MCF2L: variants seen among roughly 807,000 people sequenced by gnomAD.
MCF2L encodes MCF.2 cell line derived transforming sequence like.
A neutral mutation model predicts 153.4 loss-of-function variants in MCF2L; 97 were observed. That is an observed-to-expected ratio of 0.63 (90% CI 0.54 to 0.75). MCF2L has a LOEUF of 0.75. MCF2L is among the 30% of genes least tolerant of loss of function. MCF2L has a pLI of 0.00. For synonymous variants in MCF2L, 659 were observed against 632.2 expected (o/e 1.04, Z -0.64); for missense variants, 1,347 against 1,495.2 (o/e 0.90, Z 1.64).
intron 2 of MCF2L, among the ~76,000 whole-genome samples, chr13:112,918,324 G>A (rs1027968990): frequency 5.3e-5 from 8 of 152,310 alleles, no homozygotes; most frequent in South Asian, 2.1e-4. Context: ...TCACGAGAAC[G>A]TCATTTTGGG....
At chr13:112,990,097 C>T (rs1008182331) in intron 1 of MCF2L, among the ~76,000 whole-genome samples, 10 of 152,240 alleles carry the variant, frequency 6.6e-5, no homozygotes, top group Admixed American at 1.3e-4. Flanking sequence ...ACTCACCTGC[C>T]GCTCACTTCC....
At chr13:112,915,341 G>A (rs572169702) in intron 2 of MCF2L, among the ~76,000 whole-genome samples, 36 of 142,928 alleles carry the variant, frequency 2.5e-4, no homozygotes, top group Admixed American at 6.6e-4. Context: ...CCCGGGAAGC[G>A]GAGGTTGCAG....
intron 2 of MCF2L, among the ~76,000 whole-genome samples, chr13:112,923,715 C>G (rs536509996): frequency 1.2e-4 from 19 of 152,310 alleles, no homozygotes; most frequent in African/African-American, 4.3e-4. Flanking sequence ...ACACTCTTCT[C>G]TAATCACTGC....
In MCF2L at chr13:113,069,997, G is replaced by A. The variant is rs1447153071; in HGVS notation, c.882-62G>A. 11 of 1,187,016 alleles carry A rather than the reference G, an allele frequency of 9.3e-6. No homozygotes were observed. In the East Asian group the frequency reaches 1.2e-4, roughly 13 times the overall value. The allele number at this position is 1,187,016 out of a possible 1,614,324, so 73.5% of individuals were successfully genotyped here. A position where few individuals can be genotyped will look rare whatever the true frequency, so the allele number is the denominator to read the frequency against. ...CCTTGGGGTCGCTTGAACACCCACCGCGCTCCACGTTGCATGGGGCGCCGT... is the reference window on the plus strand; with the variant it reads ...CCTTGGGGTCGCTTGAACACCCACCACGCTCCACGTTGCATGGGGCGCCGT... On this transcript the variant is annotated intron_variant, in intron 8 of 29. Coordinates refer to ENST00000535094, the MANE Select transcript of MCF2L (RefSeq NM_001112732.3).
intron 2 of MCF2L, among the ~76,000 whole-genome samples, chr13:113,018,971 G>A (rs2084709178): frequency 6.6e-6 from 1 of 152,234 alleles, no homozygotes; most frequent in Non-Finnish European, 1.5e-5. Context: ...CCCATGTCCA[G>A]GCAGCCTCAG....
chr13:112,959,259 C>G (rs1395661379), intron 2 of MCF2L, among the ~76,000 whole-genome samples: 2 of 152,122 alleles, frequency 1.3e-5, no homozygotes, highest in African/African-American at 4.8e-5. Context: ...TCACCACCCC[C>G]CGTCCTCCGG....
intron 1 of MCF2L, among the ~76,000 whole-genome samples, chr13:112,897,572 C>T (rs2081080069): frequency 6.6e-6 from 1 of 152,218 alleles, no homozygotes; most frequent in African/African-American, 2.4e-5. Context: ...GCCATGCAGC[C>T]CCACCTGTTG....
In MCF2L at chr13:113,046,306, C is replaced by T. The variant is rs1325861449; in HGVS notation, c.369+945C>T. On this transcript the variant is annotated intron_variant, in intron 4 of 29. Coordinates refer to ENST00000535094, the MANE Select transcript of MCF2L (RefSeq NM_001112732.3). The surrounding 1 kb of genome is among the most constrained non-coding windows in gnomAD (Gnocchi z 4.4). ...AGGTGACCCAGAGCCTGGGTCCAGG[C>T]ACCTGCATGTTCTCACGCCCGCCAC... The T allele has an allele frequency of 3.4e-6, 1 of 292,976 alleles. No individual in the cohort carries two copies. Among genetic ancestry groups the T allele is most frequent in the African/African-American group, 2.2e-5 (1 of 44,508 alleles). 18.1% of individuals were successfully genotyped at this position (292,976 alleles called of 1,614,324 possible). A position where few individuals can be genotyped will look rare whatever the true frequency, so the allele number is the denominator to read the frequency against.
chr13:113,069,711 C>G (rs950096271), intron 8 of MCF2L, among the ~76,000 whole-genome samples: 1 of 152,222 alleles, frequency 6.6e-6, no homozygotes, highest in African/African-American at 2.4e-5. Context: ...GGTGATGGAA[C>G]CAGACCCTAT....
At chr13:112,979,065 C>CG (rs1728030869) in intron 1 of MCF2L, among the ~76,000 whole-genome samples, 1 of 152,222 alleles carries the variant, frequency 6.6e-6, no homozygotes, top group African/African-American at 2.4e-5. Flanking sequence ...AAAGCATCTC[C>CG]GGCCACGCAA....
At chr13:112,914,266 T>C (rs1049444123) in intron 2 of MCF2L, among the ~76,000 whole-genome samples, 2 of 152,220 alleles carry the variant, frequency 1.3e-5, no homozygotes, top group African/African-American at 4.8e-5. Context: ...ACTTTCCTCC[T>C]TTTTTGTACA....
chr13:113,092,878 A>G (rs1419174309), intron 26 of MCF2L, among the ~76,000 whole-genome samples: 3 of 151,870 alleles, frequency 2.0e-5, no homozygotes, highest in African/African-American at 7.3e-5. Context: ...CAGCTCAAGA[A>G]TCCTTTTGTG....
chr13:113,060,176 G>A (rs533132634), intron 4 of MCF2L, among the ~76,000 whole-genome samples: 2 of 152,168 alleles, frequency 1.3e-5, no homozygotes, highest in Non-Finnish European at 2.9e-5. Context: ...AGCTCTCCAC[G>A]CGGTGCTGGG....
At chr13:112,900,912 C>A (rs2081113770) in intron 1 of MCF2L, among the ~76,000 whole-genome samples, 2 of 61,850 alleles carry the variant, frequency 3.2e-5, no homozygotes. Context: ...CAGGTCTGAC[C>A]TGAGGGATGG....
At chr13:113,022,534 C>T (rs777623831) in intron 2 of MCF2L, among the ~76,000 whole-genome samples, 1 of 152,218 alleles carries the variant, frequency 6.6e-6, no homozygotes, top group African/African-American at 2.4e-5. Flanking sequence ...AAGCTTCTGG[C>T]CCCTGAACGT....
At position 112,960,763 on chromosome 13, in the gene MCF2L, C is replaced by A. The variant is rs1452423521; in HGVS notation, c.170-54000C>A. On this transcript the variant is annotated intron_variant, in intron 2 of 29. Coordinates refer to the MCF2L transcript ENST00000375608. This position sits in a 1 kb window ranked among gnomAD's most constrained non-coding sequence, Gnocchi z 4.2. Reference sequence around the variant, plus strand: ...CCTGTCCAGCCCCAGGTGCTGCCTGCATTCCTGGGCTCATGGCCGCACCAC... The same window carrying A: ...CCTGTCCAGCCCCAGGTGCTGCCTGAATTCCTGGGCTCATGGCCGCACCAC... Among the ~76,000 whole-genome samples, 2 of 152,184 alleles carry A rather than the reference C, an allele frequency of 1.3e-5. No homozygotes were observed. Among genetic ancestry groups the A allele is most frequent in the Non-Finnish European group, 1.5e-5 (1 of 68,024 alleles).
intron 21 of MCF2L, among the ~76,000 whole-genome samples, chr13:113,087,004 G>A (rs1249883338): frequency 6.6e-6 from 1 of 152,144 alleles, no homozygotes; most frequent in East Asian, 1.9e-4. Flanking sequence ...ATCACACAGA[G>A]CAGCTTCACT....
intron 1 of MCF2L, among the ~76,000 whole-genome samples, chr13:112,999,948 A>C (rs202211793): frequency 2.0e-3 from 194 of 94,710 alleles, no homozygotes; most frequent in Non-Finnish European, 4.1e-3. Flanking sequence ...AAGACACCGG[A>C]GGGCCCCAGA....
At chr13:113,078,823 G>A in intron 15 of MCF2L, 84 bp downstream of exon 15, 1 of 1,199,592 alleles carries the variant, frequency 8.3e-7, no homozygotes, top group African/African-American at 1.5e-5. Flanking sequence ...TCGAGCAGAT[G>A]CCTCACAGAT....
Sources: allele counts gnomAD v4.1 joint callset (sites outside exome capture counted in the v4.1 genomes callset), GRCh38; gene constraint gnomAD v4.1.1; non-coding constraint Gnocchi (gnomAD v3.1); transcripts MANE v1.5; gene names NCBI Gene and HGNC (gene_info 2026-07-23, HGNC 2026-07-21).